The following VCAN variants were observed in gnomAD, a reference collection of about 807,000 sequenced individuals.
The protein encoded by VCAN is versican, also known as versican core protein.
Under a neutral mutation model 245.5 loss-of-function variants are expected in VCAN, and 44 were observed. The ratio of observed to expected loss-of-function variants is 0.18; its 90% CI spans 0.14 to 0.23. The LOEUF is 0.23. VCAN is among the 10% of genes least tolerant of loss of function. The pLI, the probability that VCAN is intolerant of heterozygous loss-of-function variation, is 1.00. For missense variants in VCAN, 3,793 were observed against 4,057.9 expected (o/e 0.93, Z 1.77); for synonymous variants, 1,413 against 1,437.0 (o/e 0.98, Z 0.38).
intron 12 of VCAN, 56 bp from the exon 13 acceptor site, chr5:83,572,359 TG>T: frequency 6.3e-7 from 1 of 1,598,216 alleles, no homozygotes; most frequent in East Asian, 2.2e-5. Flanking sequence ...ATACCGTCGT[TG>T]CTCTTACGTT....
chr5:83,491,594 G>T (rs563637125), intron 3 of VCAN, among the ~76,000 whole-genome samples: 2 of 151,378 alleles, frequency 1.3e-5, no homozygotes, highest in Non-Finnish European at 2.9e-5. Flanking sequence ...TTCTGTTTAC[G>T]TATCACTTTT....
chr5:83,483,672 G>T, intron 2 of VCAN, 84 bp downstream of exon 2: 1 of 1,261,744 alleles, frequency 7.9e-7, no homozygotes, highest in Non-Finnish European at 1.2e-6. Flanking sequence ...GGAATCACTG[G>T]AATAAAAGAT....
chr5:83,563,895 T>C (rs1486354633), intron 12 of VCAN, among the ~76,000 whole-genome samples: 1 of 152,220 alleles, frequency 6.6e-6, no homozygotes, highest in Non-Finnish European at 1.5e-5. Context: ...TGACCTCTCC[T>C]AAGGATTTTA....
chr5:83,486,640 A>G (rs555223099), intron 2 of VCAN, among the ~76,000 whole-genome samples: 1 of 152,356 alleles, frequency 6.6e-6, no homozygotes, highest in African/African-American at 2.4e-5. Context: ...TAGACTTTCC[A>G]CTTAAAGAAA....
chr5:83,553,574 C>CT, intron 11 of VCAN, 52 bp downstream of exon 11: 1 of 1,611,634 alleles, frequency 6.2e-7, no homozygotes, highest in Non-Finnish European at 8.5e-7. Context: ...TCATCACTCT[C>CT]TTAGTTTTGT....
At chr5:83,529,613 A>G (rs1397546435) in intron 7 of VCAN, among the ~76,000 whole-genome samples, 1 of 152,128 alleles carries the variant, frequency 6.6e-6, no homozygotes, top group African/African-American at 2.4e-5. Context: ...CTACTGAGGG[A>G]TAACTATATT....
chr5:83,529,647 A>C (rs1423132387), intron 7 of VCAN, among the ~76,000 whole-genome samples: 1 of 152,190 alleles, frequency 6.6e-6, no homozygotes, highest in African/African-American at 2.4e-5. Flanking sequence ...GTCTTGTATA[A>C]ATTACTTAAC....
At chr5:83,514,452 ATTTT>A (rs1274338760) in intron 6 of VCAN, among the ~76,000 whole-genome samples, 1 of 83,744 alleles carries the variant, frequency 1.2e-5, no homozygotes. Flanking sequence ...GTGTGTGTGT[ATTTT>A]TTTTTTTTTT....
intron 13 of VCAN, among the ~76,000 whole-genome samples, chr5:83,573,859 C>T (rs895075516): frequency 2.0e-5 from 3 of 152,048 alleles, no homozygotes; most frequent in Admixed American, 6.5e-5. Flanking sequence ...GGGTTACCAC[C>T]GCATATTCAG....
Position 83,550,744 on chromosome 5 carries a change from G to A in VCAN, c.9494-2620G>A, listed in dbSNP as rs563245798. ...TCTACTAAAAGTACAAAAATTAGCC[G>A]GGTGTGGTGGCGGGTGCCTGTAATC... is the stretch of plus-strand genomic sequence containing the variant. On this transcript the variant is annotated intron_variant, in intron 10 of 14. Transcript: ENST00000265077. Among the ~76,000 whole-genome samples, 8 of 151,994 alleles carry A rather than the reference G, an allele frequency of 5.3e-5. No individual in the cohort carries two copies. The East Asian group carries it at 9.7e-4, about 18-fold the overall frequency.
chr5:83,521,682 A>G lies in VCAN; in HGVS notation c.3376A>G (p.Ile1126Val). The G allele has an allele frequency of 6.2e-7, 1 of 1,613,956 alleles. No homozygotes were observed. The highest frequency in any genetic ancestry group is 8.5e-7 in the Non-Finnish European group (1 of 1,180,014). ...TGAAGTGGTAACACTAACACCACGCATTGGGCCAAAAGTATCTTTAAGTCC... is the reference window on the plus strand; with the variant it reads ...TGAAGTGGTAACACTAACACCACGCGTTGGGCCAAAAGTATCTTTAAGTCC... ...TDEVVTLTPR[I>V]GPKVSLSPGP... The change falls in exon 7 of 15, where the codon ATT (isoleucine) becomes GTT (valine). Residue 1126 changes from isoleucine to valine, a missense_variant. Ile to Val is a conservative substitution (Grantham distance 29). Coordinates refer to ENST00000265077, the MANE Select transcript of VCAN (RefSeq NM_004385.5).
intron 5 of VCAN, among the ~76,000 whole-genome samples, chr5:83,497,529 C>G (rs1055529153): frequency 1.3e-5 from 2 of 151,992 alleles, no homozygotes; most frequent in Admixed American, 1.3e-4. Flanking sequence ...TCAATATCAG[C>G]TCGTGTTCTT....
chr5:83,542,871 T>A (rs1273462448), intron 8 of VCAN, among the ~76,000 whole-genome samples: 1 of 152,204 alleles, frequency 6.6e-6, no homozygotes, highest in Non-Finnish European at 1.5e-5. Flanking sequence ...ACATACTGCC[T>A]GTTGAGAGAA....
rs1747301586 is a variant in VCAN, at chr5:83,548,005, T to G, written c.9414T>G (p.Asn3138Lys). 6.2e-7 allele frequency: 1 copy of G among 1,613,960 alleles called. No homozygotes were observed. The highest frequency in any genetic ancestry group is 1.3e-5 in the African/African-American group (1 of 74,940). Residue 3138 changes from asparagine (N) to lysine (K), a missense_variant, in exon 10 of 15, where the codon AAT (asparagine) becomes AAG (lysine). Around this residue, in one of 5 missense-constraint regions of VCAN, gnomAD observed 205 missense variants for 321.1 expected, o/e 0.64. Coordinates refer to ENST00000265077, the MANE Select transcript of VCAN (RefSeq NM_004385.5). ...AATGTCACTCTAATCCCTGTCGTAA[T>G]GGAGCCACTTGTGTTGATGGTTTTA... ...FDECHSNPCR[N>K]GATCVDGFNT...
At chr5:83,481,417 C>A (rs1412078740) in intron 1 of VCAN, among the ~76,000 whole-genome samples, 1 of 152,002 alleles carries the variant, frequency 6.6e-6, no homozygotes, top group Non-Finnish European at 1.5e-5. Flanking sequence ...AAAATACAAT[C>A]TTTTACTTTG....
At position 83,492,535 on chromosome 5, in the gene VCAN, A is replaced by T. The variant is rs189662417; in HGVS notation, c.446-1011A>T. Among the ~76,000 whole-genome samples, 888 of 152,128 alleles carry T rather than the reference A, an allele frequency of 5.8e-3. 30 individuals carry two copies. The highest frequency in any genetic ancestry group is 0.049 in the Admixed American group (746 of 15,264). Reference sequence around the variant, plus strand: ...ATTTACCCCAGCTAAAAATGGAGAGACTCTTGTTGACATGGCAAGAGAGGA... The same window carrying T: ...ATTTACCCCAGCTAAAAATGGAGAGTCTCTTGTTGACATGGCAAGAGAGGA... On this transcript the variant is annotated intron_variant, in intron 3 of 14. Coordinates refer to ENST00000265077, the MANE Select transcript of VCAN (RefSeq NM_004385.5).
intron 7 of VCAN, among the ~76,000 whole-genome samples, chr5:83,523,727 G>T (rs1746187653): frequency 6.6e-6 from 1 of 152,012 alleles, no homozygotes; most frequent in Non-Finnish European, 1.5e-5. Context: ...GACAGGATTT[G>T]ATCATGATTT....
In VCAN at chr5:83,537,921, G is replaced by A. The variant is rs759184301; in HGVS notation, c.4918G>A (p.Glu1640Lys). 1.2e-6 allele frequency: 2 copies of A among 1,613,944 alleles called. No individual in the cohort carries two copies. The change falls in exon 8 of 15, where the codon GAA (glutamate) becomes AAA (lysine). Residue 1640 changes from glutamate to lysine, a missense_variant. Physicochemically the swap from Glu to Lys is moderately conservative, Grantham distance 56. Coordinates refer to ENST00000265077, the MANE Select transcript of VCAN (RefSeq NM_004385.5). ...LSGSSSIPIT[E>K]GSGEAEEDED... ...AGGGAGTTCTTCGATTCCAATTACA[G>A]AAGGCTCTGGAGAAGCAGAAGAAGA...
intron 12 of VCAN, among the ~76,000 whole-genome samples, chr5:83,569,464 G>A (rs1197161086): frequency 6.6e-6 from 1 of 152,050 alleles, no homozygotes; most frequent in Non-Finnish European, 1.5e-5. Flanking sequence ...CTGGCACTGA[G>A]GATACAGTAA....
Sources: gnomAD v4.1 joint callset for allele counts (sites outside exome capture counted in the v4.1 genomes callset) on GRCh38, gnomAD v4.1.1 for gene constraint, gnomAD v4.1.1 regional missense constraint, MANE v1.5 for transcripts, NCBI Gene and HGNC (gene_info 2026-07-23, HGNC 2026-07-21) for gene names.